CEP112: variants seen among roughly 807,000 people sequenced by gnomAD.
The protein encoded by CEP112 is centrosomal protein 112.
In CEP112, 127 loss-of-function variants were observed where a neutral mutation model predicts 153.0. That is an observed-to-expected ratio of 0.83 (90% CI 0.72 to 0.96). The LOEUF is 0.96. Ranked by LOEUF, CEP112 falls within the 40% of genes least tolerant of loss-of-function variation. CEP112 has a pLI of 0.00. For missense variants in CEP112, 1,089 were observed against 1,101.2 expected (o/e 0.99, Z 0.16); for synonymous variants, 358 against 374.4 (o/e 0.96, Z 0.51).
chr17:65,805,185 T>C (rs1261822628), intron 21 of CEP112, among the ~76,000 whole-genome samples: 1 of 152,086 alleles, frequency 6.6e-6, no homozygotes, highest in Non-Finnish European at 1.5e-5. Flanking sequence ...GAGTCATAAG[T>C]GTCCTCATTA....
intron 12 of CEP112, among the ~76,000 whole-genome samples, chr17:66,034,797 T>A (rs1444245419): frequency 1.3e-5 from 2 of 151,202 alleles, no homozygotes; most frequent in African/African-American, 2.4e-5. Context: ...TGAATTTTTT[T>A]TGTTTTTGTT....
chr17:65,903,626 A>C (rs1011978419), intron 19 of CEP112, among the ~76,000 whole-genome samples: 2 of 152,202 alleles, frequency 1.3e-5, no homozygotes, highest in African/African-American at 2.4e-5. Flanking sequence ...GGCCAGCATC[A>C]TCCTGATACC....
chr17:65,704,430 C>T (rs2048809424), intron 23 of CEP112, among the ~76,000 whole-genome samples: 1 of 151,102 alleles, frequency 6.6e-6, no homozygotes, highest in Admixed American at 6.6e-5. Flanking sequence ...TACACACACA[C>T]ACACACACAC....
chr17:65,997,790 TCC>T (rs5821560), intron 17 of CEP112, among the ~76,000 whole-genome samples: 15 of 149,712 alleles, frequency 1.0e-4, no homozygotes, highest in East Asian at 5.8e-4. Context: ...ACCCTAAACA[TCC>T]CCCCCCCCAC....
In CEP112 at chr17:65,886,518, T is replaced by A. The variant is rs79757257; in HGVS notation, c.2163+15634A>T. Among the ~76,000 whole-genome samples, 1,326 of 152,344 alleles carry A rather than the reference T, an allele frequency of 8.7e-3. 20 individuals are homozygous for A. The highest frequency in any genetic ancestry group is 0.03 in the African/African-American group (1,256 of 41,580). ...TATTTCACATTCTTTTAGAGCTAGA[T>A]AAGAATAGGGACACTTTCCTAGGAA... is the stretch of plus-strand genomic sequence containing the variant. On this transcript the variant is annotated intron_variant, in intron 20 of 26. Coordinates refer to ENST00000535342, the MANE Select transcript of CEP112 (RefSeq NM_001199165.4).
At chr17:66,105,095 G>A (rs965461459) in intron 6 of CEP112, among the ~76,000 whole-genome samples, 1 of 152,118 alleles carries the variant, frequency 6.6e-6, no homozygotes, top group Non-Finnish European at 1.5e-5. Flanking sequence ...AATTTTTCAA[G>A]ACATAGTGTA....
At chr17:65,937,598 C>T (rs1392814059) in intron 18 of CEP112, among the ~76,000 whole-genome samples, 2 of 90,556 alleles carry the variant, frequency 2.2e-5, no homozygotes, top group Non-Finnish European at 2.4e-5. Context: ...CGGCCAGCCG[C>T]CCCGTCCGGG....
chr17:65,791,036 G>A (rs916082343), intron 21 of CEP112, among the ~76,000 whole-genome samples: 2 of 150,086 alleles, frequency 1.3e-5, no homozygotes, highest in African/African-American at 4.9e-5. Context: ...ATCCCATTTG[G>A]AATGGGGGGG....
At chr17:65,688,210 A>G (rs1442671515) in intron 24 of CEP112, 1 of 152,244 alleles carries the variant, frequency 6.6e-6, no homozygotes, top group African/African-American at 2.4e-5. Context: ...AAAGGAGAAA[A>G]CTAAAATTCA....
At chr17:66,020,041 G>A (rs2064938160) in intron 16 of CEP112, among the ~76,000 whole-genome samples, 1 of 152,212 alleles carries the variant, frequency 6.6e-6, no homozygotes, top group South Asian at 2.1e-4. Flanking sequence ...CAAATAGCCA[G>A]TGCATCCCTT....
intron 19 of CEP112, among the ~76,000 whole-genome samples, chr17:65,915,462 C>G (rs2060441928): frequency 6.6e-6 from 1 of 152,034 alleles, no homozygotes; most frequent in South Asian, 2.1e-4. Flanking sequence ...GTAATCAAAG[C>G]TCCACACAGC....
Position 65,910,509 on chromosome 17 carries a change from G to A in CEP112, c.1981-8175C>T, listed in dbSNP as rs561018185. On this transcript the variant is annotated intron_variant, in intron 19 of 26. Coordinates refer to ENST00000535342, the MANE Select transcript of CEP112 (RefSeq NM_001199165.4). ...TTAAAAACCAAAAACAATTGTAAGA[G>A]AACTTAATAAGAACATGAGTGTAAT... Among the ~76,000 whole-genome samples the A allele has an allele frequency of 1.6e-4, 25 of 152,144 alleles. 1 individual carries two copies. The South Asian group carries it at 5.2e-3, about 32-fold the overall frequency.
chr17:65,659,015 CAA>C (rs777326885), intron 24 of CEP112, among the ~76,000 whole-genome samples: 6 of 55,574 alleles, frequency 1.1e-4, no homozygotes, highest in Non-Finnish European at 1.4e-4. Flanking sequence ...GACTCTGTCT[CAA>C]AAAAAAAAAA....
chr17:66,129,943 GAAGTAAAA>G lies in CEP112; in HGVS notation c.565-128_565-121del, dbSNP rs529666235. 20 of 503,702 alleles carry G rather than the reference GAAGTAAAA, an allele frequency of 4.0e-5. No homozygotes were observed. The Admixed American group carries it at 7.9e-4, about 20-fold the overall frequency. 31.2% of individuals were successfully genotyped at this position (503,702 alleles called of 1,614,324 possible). ...GAGATAAAGGGAAATAAAGAGGAAG[GAAGTAAAA>G]AAGGAAAAAAGGAAGAAAGGAAGGG... On this transcript the variant is annotated intron_variant, in intron 5 of 26. Coordinates refer to ENST00000535342, the MANE Select transcript of CEP112 (RefSeq NM_001199165.4).
intron 19 of CEP112, among the ~76,000 whole-genome samples, chr17:65,910,812 T>C (rs1056937846): frequency 2.0e-5 from 3 of 152,012 alleles, no homozygotes; most frequent in African/African-American, 4.8e-5. Context: ...GATAAATGTG[T>C]ATATCAAAAA....
intron 24 of CEP112, among the ~76,000 whole-genome samples, chr17:65,686,378 C>T (rs985249682): frequency 1.3e-5 from 2 of 152,130 alleles, no homozygotes; most frequent in African/African-American, 4.8e-5. Flanking sequence ...CTGAATCCTT[C>T]TCTATTGTTC....
chr17:65,712,811 T>C (rs773933067), intron 23 of CEP112, among the ~76,000 whole-genome samples: 5 of 152,050 alleles, frequency 3.3e-5, no homozygotes, highest in Non-Finnish European at 4.4e-5. Context: ...TCTGTGTAGG[T>C]GGGTGCTGTG....
chr17:65,846,435 T>A (rs1389107012), intron 21 of CEP112, among the ~76,000 whole-genome samples: 1 of 152,254 alleles, frequency 6.6e-6, no homozygotes, highest in Non-Finnish European at 1.5e-5. Flanking sequence ...AATACAAAGA[T>A]GTATCATATC....
chr17:65,920,009 A>G (rs1160235375), intron 19 of CEP112, among the ~76,000 whole-genome samples: 5 of 152,156 alleles, frequency 3.3e-5, no homozygotes, highest in Middle Eastern at 3.4e-3. Flanking sequence ...TTCAGTTTCT[A>G]CAACTAGAAG....
Sources: allele counts gnomAD v4.1 joint callset (sites outside exome capture counted in the v4.1 genomes callset), GRCh38; gene constraint gnomAD v4.1.1; transcripts MANE v1.5; gene names NCBI Gene and HGNC (gene_info 2026-07-23, HGNC 2026-07-21).